Variants in SPATA16 observed in about 807,000 individuals in gnomAD.
SPATA16 encodes spermatogenesis-associated protein 16.
Under a neutral mutation model 63.3 loss-of-function variants are expected in SPATA16, and 36 were observed. The observed-to-expected ratio is 0.57, with a 90% CI of 0.44 to 0.75. The LOEUF (loss-of-function observed/expected upper bound fraction) is 0.75, where lower values mean the gene tolerates loss of function less well. Among genes scored for constraint, SPATA16 ranks in the 30% least tolerant of loss-of-function variants. The pLI, the probability that SPATA16 is intolerant of heterozygous loss-of-function variation, is 0.00. For missense variants in SPATA16, 646 were observed against 679.3 expected (o/e 0.95, Z 0.54); for synonymous variants, 203 against 216.7 (o/e 0.94, Z 0.56).
chr3:173,088,346 G>T (rs921515860), intron 2 of SPATA16, among the ~76,000 whole-genome samples: 1 of 151,928 alleles, frequency 6.6e-6, no homozygotes. Context: ...GCCTCCCAAA[G>T]TGCTGGGATT....
At chr3:172,938,085 C>A (rs1270105432) in intron 6 of SPATA16, among the ~76,000 whole-genome samples, 2 of 152,164 alleles carry the variant, frequency 1.3e-5, no homozygotes, top group Non-Finnish European at 1.5e-5. Context: ...TATTTATCCA[C>A]TAAATATGCC....
chr3:173,128,005 A>G (rs1738271684), intron 1 of SPATA16, among the ~76,000 whole-genome samples: 1 of 152,212 alleles, frequency 6.6e-6, no homozygotes, highest in African/African-American at 2.4e-5. Flanking sequence ...GCTAGTCACC[A>G]TCAAAGTACA....
chr3:172,975,087 A>G (rs901713235), intron 5 of SPATA16, among the ~76,000 whole-genome samples: 6 of 152,176 alleles, frequency 3.9e-5, no homozygotes, highest in Non-Finnish European at 8.8e-5. Context: ...TGAGGTAAAT[A>G]AAATAGGGAT....
At chr3:172,992,381 T>G (rs1295112802) in intron 4 of SPATA16, among the ~76,000 whole-genome samples, 3 of 152,014 alleles carry the variant, frequency 2.0e-5, no homozygotes, top group Non-Finnish European at 4.4e-5. Context: ...ACAGTTTTTT[T>G]GGGGGGAGTG....
At chr3:172,942,614 T>G (rs1733182499) in intron 6 of SPATA16, among the ~76,000 whole-genome samples, 1 of 152,134 alleles carries the variant, frequency 6.6e-6, no homozygotes, top group South Asian at 2.1e-4. Flanking sequence ...ATCTTTTGTT[T>G]CCTATTTACT....
At chr3:173,051,491 G>C (rs550741138) in intron 2 of SPATA16, among the ~76,000 whole-genome samples, 139 of 152,212 alleles carry the variant, frequency 9.1e-4, no homozygotes, top group African/African-American at 3.2e-3. Flanking sequence ...GTGAGCCACC[G>C]TGCCCAGCCA....
chr3:173,102,317 T>C (rs1737515996), intron 2 of SPATA16, among the ~76,000 whole-genome samples: 1 of 152,216 alleles, frequency 6.6e-6, no homozygotes, highest in Admixed American at 6.5e-5. Flanking sequence ...TTGTGTTAGG[T>C]CATTCTTGCA....
chr3:173,055,822 A>T (rs551424369), intron 2 of SPATA16, among the ~76,000 whole-genome samples: 1 of 152,304 alleles, frequency 6.6e-6, no homozygotes, highest in African/African-American at 2.4e-5. Context: ...GCAAGATATT[A>T]CCTCTGGGAG....
intron 2 of SPATA16, among the ~76,000 whole-genome samples, chr3:173,099,451 C>T (rs1326366726): frequency 6.6e-6 from 1 of 152,088 alleles, no homozygotes; most frequent in Non-Finnish European, 1.5e-5. Flanking sequence ...TTGGTACTAT[C>T]CACAGTTTCA....
Position 172,889,394 on chromosome 3 carries a change from T to C in SPATA16, c.*176A>G. On this transcript the variant is annotated 3_prime_UTR_variant, in exon 11 of 11. Transcript: ENST00000351008. ...TGCTGAGAATATTTATTGCTGCCAG[T>C]TGAGATTAATGAAACATAGAGTGTC... 1.1e-6 allele frequency: 1 copy of C among 881,518 alleles called. No individual in the cohort carries two copies. Among genetic ancestry groups the C allele is most frequent in the East Asian group, 2.5e-5 (1 of 40,730 alleles). The allele number at this position is 881,518 out of a possible 1,614,324, so 54.6% of individuals were successfully genotyped here.
At chr3:173,049,170 T>G in intron 2 of SPATA16, 76 bp from the exon 3 acceptor site, 1 of 1,461,648 alleles carries the variant, frequency 6.8e-7, no homozygotes, top group South Asian at 1.2e-5. Flanking sequence ...AAAACATGTG[T>G]ATGTTTTATT....
chr3:173,120,265 T>C (rs78752920), intron 1 of SPATA16, among the ~76,000 whole-genome samples: 2,328 of 152,320 alleles, frequency 0.015, 34 homozygotes, highest in Middle Eastern at 0.071. Flanking sequence ...TGAGTAAAAA[T>C]AAACTTTAGT....
At chr3:173,047,097 T>C (rs1341440766) in intron 3 of SPATA16, among the ~76,000 whole-genome samples, 1 of 151,984 alleles carries the variant, frequency 6.6e-6, no homozygotes, top group East Asian at 1.9e-4. Flanking sequence ...TTTCTAATTC[T>C]AAATAGTGAA....
At position 172,956,778 on chromosome 3, in the gene SPATA16, A is replaced by G. The variant is rs908110846; in HGVS notation, c.980T>C (p.Met327Thr). 3 of 1,613,388 alleles carry G rather than the reference A, an allele frequency of 1.9e-6. No homozygotes were observed. The highest frequency in any genetic ancestry group is 1.3e-5 in the African/African-American group (1 of 74,894). Residue 327 changes from methionine (M) to threonine (T), a missense_variant, in exon 6 of 11, where the codon ATG becomes ACG. Transcript: ENST00000351008. ...AITRAESFSV[M>T]YTPFATKIRA... ...TATTTTTGTCGCAAATGGTGTGTAC[A>G]TAACCGAGAAAGATTCAGCTCTGGT...
chr3:172,961,026 TTC>T (rs1228369248), intron 5 of SPATA16, among the ~76,000 whole-genome samples: 2 of 111,894 alleles, frequency 1.8e-5, no homozygotes, highest in Non-Finnish European at 3.7e-5. Context: ...TTTTCTCTCT[TTC>T]TCTCTTTCTT....
chr3:173,023,212 C>A (rs1407713757), intron 3 of SPATA16, among the ~76,000 whole-genome samples: 4 of 150,418 alleles, frequency 2.7e-5, no homozygotes, highest in Non-Finnish European at 4.4e-5. Context: ...ACTGATGAGG[C>A]TCGAATATAA....
chr3:173,120,451 T>C (rs1360576511), intron 1 of SPATA16, among the ~76,000 whole-genome samples: 2 of 152,166 alleles, frequency 1.3e-5, no homozygotes, highest in African/African-American at 4.8e-5. Context: ...CAACATCGGT[T>C]TGTGAGCTGT....
intron 2 of SPATA16, among the ~76,000 whole-genome samples, chr3:173,112,728 A>T (rs1184828665): frequency 6.6e-6 from 1 of 152,202 alleles, no homozygotes. Flanking sequence ...CCAAGATATT[A>T]AAAAAAGATT....
chr3:173,067,119 G>A (rs1055824873), intron 2 of SPATA16, among the ~76,000 whole-genome samples: 3 of 151,690 alleles, frequency 2.0e-5, no homozygotes, highest in African/African-American at 7.3e-5. Flanking sequence ...ACAATCAGAC[G>A]AGAAAAAGGA....
Sources: gnomAD v4.1 joint callset for allele counts (sites outside exome capture counted in the v4.1 genomes callset) on GRCh38, gnomAD v4.1.1 for gene constraint, MANE v1.5 for transcripts, NCBI Gene and HGNC (gene_info 2026-07-23, HGNC 2026-07-21) for gene names.